Variants in CNNM2 observed in about 807,000 individuals in gnomAD.
The protein encoded by CNNM2 is cyclin and CBS domain divalent metal cation transport mediator 2, also known as metal transporter CNNM2.
A neutral mutation model predicts 66.9 loss-of-function variants in CNNM2; 12 were observed. The observed-to-expected ratio is 0.18, with a 90% CI of 0.11 to 0.29. The LOEUF is 0.29. Ranked by LOEUF, CNNM2 falls within the 10% of genes least tolerant of loss-of-function variation. CNNM2 has a pLI of 1.00. For missense variants in CNNM2, 705 were observed against 1,167.7 expected (o/e 0.60, Z 5.77); for synonymous variants, 557 against 501.8 (o/e 1.11, Z -1.47).
Position 103,040,646 on chromosome 10 carries a change from C to T in CNNM2, c.1622-9061C>T, listed in dbSNP as rs776809612. Among the ~76,000 whole-genome samples the T allele has an allele frequency of 1.8e-3, 274 of 152,238 alleles. 1 individual carries two copies. Among genetic ancestry groups the T allele is most frequent in the Admixed American group, 5.2e-3 (79 of 15,290 alleles). ...AGGTGGATCCGGAGTTGATCTGGAG[C>T]TGATGGCCTAATCAGGGAGACCATG... On this transcript the variant is annotated intron_variant, in intron 1 of 7. Transcript: ENST00000369878.
chr10:102,956,119 C>T (rs892560224), intron 1 of CNNM2, among the ~76,000 whole-genome samples: 1 of 152,056 alleles, frequency 6.6e-6, no homozygotes, highest in Non-Finnish European at 1.5e-5. Context: ...AACTCCGTCT[C>T]TACTAAAAAT....
At chr10:103,069,467 T>C (rs2065536933) in intron 5 of CNNM2, among the ~76,000 whole-genome samples, 1 of 152,222 alleles carries the variant, frequency 6.6e-6, no homozygotes, top group Non-Finnish European at 1.5e-5. Flanking sequence ...CTGTTAAATG[T>C]TAGCAGTTTG....
intron 1 of CNNM2, among the ~76,000 whole-genome samples, chr10:102,975,483 A>AC (rs1564827619): frequency 1.3e-5 from 2 of 151,410 alleles, no homozygotes; most frequent in African/African-American, 4.9e-5. Context: ...AAAAAAAAAA[A>AC]AAAAACAAAC....
chr10:102,995,825 C>G (rs1242400476), intron 1 of CNNM2, among the ~76,000 whole-genome samples: 1 of 151,884 alleles, frequency 6.6e-6, no homozygotes, highest in Non-Finnish European at 1.5e-5. Context: ...CTCAGCCTCC[C>G]GAGTAGCCGG....
Position 103,077,503 on chromosome 10 carries a change from G to T in CNNM2, c.*323G>T. 3.4e-6 allele frequency: 1 copy of T among 292,986 alleles called. No homozygotes were observed. The highest frequency in any genetic ancestry group is 6.4e-6 in the Non-Finnish European group (1 of 155,564). The allele number at this position is 292,986 out of a possible 1,614,324, so 18.1% of individuals were successfully genotyped here. On this transcript the variant is annotated 3_prime_UTR_variant, in exon 8 of 8. Coordinates refer to ENST00000369878, the MANE Select transcript of CNNM2 (RefSeq NM_017649.5). The stretch of plus-strand genomic sequence containing the variant: ...CTCCTCTGCCCTCGATTTGCATGAA[G>T]TTGAAAATTGTTGCGATTTATTTTT...
intron 1 of CNNM2, among the ~76,000 whole-genome samples, chr10:102,964,368 ACAG>A (rs1225591788): frequency 6.6e-6 from 1 of 152,040 alleles, no homozygotes; most frequent in Non-Finnish European, 1.5e-5. Flanking sequence ...AGCTGGGACT[ACAG>A]GTGTGTGCCA....
At chr10:102,977,571 A>T (rs965604006) in intron 1 of CNNM2, among the ~76,000 whole-genome samples, 5 of 152,182 alleles carry the variant, frequency 3.3e-5, no homozygotes, top group Non-Finnish European at 1.5e-5. Flanking sequence ...CTATAATCCC[A>T]GCACTTTGGG....
intron 1 of CNNM2, among the ~76,000 whole-genome samples, chr10:102,929,477 G>A (rs942866154): frequency 3.3e-5 from 5 of 149,916 alleles, no homozygotes; most frequent in African/African-American, 1.2e-4. Context: ...ACTAGTTATT[G>A]TAGGTTTTTT....
chr10:103,040,801 C>T lies in CNNM2; in HGVS notation c.1622-8906C>T, dbSNP rs558310229. 4.6e-5 allele frequency among the ~76,000 whole-genome samples: 7 copies of T among 152,280 alleles called. No homozygotes were observed. In the East Asian group the frequency reaches 1.2e-3, roughly 25 times the overall value. On this transcript the variant is annotated intron_variant, in intron 1 of 7. Coordinates refer to ENST00000369878, the MANE Select transcript of CNNM2 (RefSeq NM_017649.5). ...TGCCCAGATGTCTCTTCCATCTAAA[C>T]GTCTCTGGCTTATGTAATTGTTCCT...
At chr10:102,976,862 G>C (rs1208315538) in intron 1 of CNNM2, among the ~76,000 whole-genome samples, 1 of 151,742 alleles carries the variant, frequency 6.6e-6, no homozygotes, top group Non-Finnish European at 1.5e-5. Context: ...GTACGTTAAG[G>C]GTTTAATAAA....
intron 1 of CNNM2, among the ~76,000 whole-genome samples, chr10:102,997,024 C>T (rs1232478890): frequency 6.6e-6 from 1 of 152,194 alleles, no homozygotes; most frequent in Non-Finnish European, 1.5e-5. Flanking sequence ...TAGATTATTT[C>T]CTGGATCCCA....
chr10:102,978,461 A>G (rs1050296962), intron 1 of CNNM2, among the ~76,000 whole-genome samples: 1 of 152,130 alleles, frequency 6.6e-6, no homozygotes, highest in Non-Finnish European at 1.5e-5. Context: ...TAGCTTCAGA[A>G]TATTTCCAGA....
intron 6 of CNNM2, among the ~76,000 whole-genome samples, chr10:103,075,702 C>T (rs1161392183): frequency 2.0e-5 from 3 of 152,212 alleles, no homozygotes; most frequent in Non-Finnish European, 4.4e-5. Context: ...TAATGAAGTG[C>T]TGTCCTCTGC....
At chr10:103,069,350 G>A (rs931674208) in intron 5 of CNNM2, among the ~76,000 whole-genome samples, 3 of 152,172 alleles carry the variant, frequency 2.0e-5, no homozygotes, top group South Asian at 4.1e-4. Context: ...CTGGCGCTAC[G>A]TGTCAGAGGG....
chr10:103,022,856 TA>T (rs1406748428), intron 1 of CNNM2, among the ~76,000 whole-genome samples: 1 of 152,048 alleles, frequency 6.6e-6, no homozygotes, highest in Non-Finnish European at 1.5e-5. Flanking sequence ...GGAGCAGATG[TA>T]TCACATGGCA....
Position 103,069,576 on chromosome 10 carries a change from C to T in CNNM2, c.2167+854C>T, listed in dbSNP as rs1926033. Among the ~76,000 whole-genome samples the T allele has an allele frequency of 0.012, 1,788 of 152,318 alleles. 115 individuals are homozygous for T. Among genetic ancestry groups the T allele is most frequent in the Admixed American group, 0.1 (1,576 of 15,300 alleles). On this transcript the variant is annotated intron_variant, in intron 5 of 7. Coordinates refer to ENST00000369878, the MANE Select transcript of CNNM2 (RefSeq NM_017649.5). The stretch of plus-strand genomic sequence containing the variant: ...TGTCTGGAGAGCTGGCCAGGCGAGT[C>T]AGCCAGTTAAGGGTGGGTGGCCATG...
chr10:103,035,059 A>G (rs975361623), intron 1 of CNNM2, among the ~76,000 whole-genome samples: 6 of 151,960 alleles, frequency 3.9e-5, no homozygotes, highest in Admixed American at 6.6e-5. Flanking sequence ...CTGAGGTGGA[A>G]GGATCACTTG....
rs571643772 is a variant in CNNM2, at chr10:103,017,562, G to T, written c.1622-32145G>T. On this transcript the variant is annotated intron_variant, in intron 1 of 7. Coordinates refer to ENST00000369878, the MANE Select transcript of CNNM2 (RefSeq NM_017649.5). The stretch of plus-strand genomic sequence containing the variant: ...GAGAAGAGACCTGAATGAAGTGGGG[G>T]ATAATGAGTGTGAACATGTGAGGAA... Among the ~76,000 whole-genome samples, 3 of 152,270 alleles carry T rather than the reference G, an allele frequency of 2.0e-5. No homozygotes were observed. The East Asian group carries it at 5.8e-4, about 29-fold the overall frequency.
chr10:102,951,580 C>A (rs1190787939), intron 1 of CNNM2, among the ~76,000 whole-genome samples: 1 of 151,278 alleles, frequency 6.6e-6, no homozygotes, highest in Admixed American at 6.6e-5. Flanking sequence ...CAAACTGAAT[C>A]TACCTTTATT....
Sources: allele counts gnomAD v4.1 joint callset (sites outside exome capture counted in the v4.1 genomes callset), GRCh38; gene constraint gnomAD v4.1.1; transcripts MANE v1.5; gene names NCBI Gene and HGNC (gene_info 2026-07-23, HGNC 2026-07-21).